Variants in CSMD1 observed in about 807,000 individuals in gnomAD.
CSMD1 encodes the protein CUB and Sushi multiple domains 1.
Under a neutral mutation model 417.5 loss-of-function variants are expected in CSMD1, and 213 were observed. The ratio of observed to expected loss-of-function variants is 0.51; its 90% CI spans 0.46 to 0.57. The LOEUF (loss-of-function observed/expected upper bound fraction) is 0.57. CSMD1 is among the 20% of genes least tolerant of loss of function. CSMD1 has a pLI of 0.00. For missense variants in CSMD1, 6,923 were observed against 4,529.7 expected, an observed-to-expected ratio of 1.53 and a Z score of -15.17; for synonymous variants, 2,862 against 1,736.8, an observed-to-expected ratio of 1.65 and a Z score of -16.11.
At chr8:4,608,498 T>C (rs1469147201) in intron 2 of CSMD1, among the ~76,000 whole-genome samples, 1 of 152,160 alleles carries the variant, frequency 6.6e-6, no homozygotes, top group Admixed American at 6.5e-5. Flanking sequence ...GATGTATTAT[T>C]TGGAGTGTTT....
intron 1 of CSMD1, among the ~76,000 whole-genome samples, chr8:4,895,363 A>T (rs1014023148): frequency 2.5e-4 from 38 of 152,204 alleles, no homozygotes; most frequent in African/African-American, 8.9e-4. Flanking sequence ...GTGTAACAGC[A>T]TGTTTAGCTC....
At chr8:4,944,205 T>C (rs11998370) in intron 1 of CSMD1, among the ~76,000 whole-genome samples, 77,935 of 151,962 alleles carry the variant, frequency 0.51, 21,243 homozygotes, top group East Asian at 0.79. Context: ...ATTCCTAGTG[T>C]ATGTAATAAT....
intron 5 of CSMD1, among the ~76,000 whole-genome samples, chr8:3,880,694 A>T (rs138640343): frequency 6.6e-6 from 1 of 152,322 alleles, no homozygotes; most frequent in East Asian, 1.9e-4. Context: ...CACGTTTCCC[A>T]AATCCTCAGC....
intron 3 of CSMD1, among the ~76,000 whole-genome samples, chr8:4,186,231 G>T (rs1033974511): frequency 2.0e-5 from 3 of 152,130 alleles, no homozygotes. Flanking sequence ...CGGCCAAACT[G>T]TGTTGCCATA....
chr8:4,310,734 A>G (rs1242659669), intron 3 of CSMD1, among the ~76,000 whole-genome samples: 1 of 152,154 alleles, frequency 6.6e-6, no homozygotes, highest in African/African-American at 2.4e-5. Flanking sequence ...TACCATGGAG[A>G]GAGTAGCTCC....
rs923519963 is a variant in CSMD1, at chr8:3,260,728, A to G, written c.4153+23416T>C. On this transcript the variant is annotated intron_variant, in intron 26 of 69. Transcript: ENST00000635120. ...AAAATGAGAACCTCGACCTACCTCA[A>G]GAGTTAGGCAAGGGGCTCTTCGACT... 4.6e-5 allele frequency among the ~76,000 whole-genome samples: 7 copies of G among 152,322 alleles called. No homozygotes were observed. In the East Asian group the frequency reaches 1.3e-3, roughly 29 times the overall value.
At chr8:3,237,060 T>G (rs1235432710) in intron 26 of CSMD1, among the ~76,000 whole-genome samples, 2 of 151,998 alleles carry the variant, frequency 1.3e-5, no homozygotes, top group African/African-American at 4.8e-5. Context: ...CAGCAGTGGG[T>G]CTGACTGTTT....
intron 5 of CSMD1, among the ~76,000 whole-genome samples, chr8:3,757,974 C>A (rs1054383749): frequency 1.3e-5 from 2 of 152,044 alleles, no homozygotes; most frequent in African/African-American, 2.4e-5. Context: ...TGCACAAATT[C>A]CTTTTATTTT....
At chr8:4,673,996 C>T (rs1438002782) in intron 1 of CSMD1, among the ~76,000 whole-genome samples, 1 of 152,224 alleles carries the variant, frequency 6.6e-6, no homozygotes, top group South Asian at 2.1e-4. Flanking sequence ...GAATTGTGCA[C>T]TATACAGAGG....
chr8:3,737,965 A>C (rs1315750672), intron 6 of CSMD1, among the ~76,000 whole-genome samples: 4 of 152,218 alleles, frequency 2.6e-5, no homozygotes, highest in Admixed American at 6.5e-5. Flanking sequence ...AAACAACTAA[A>C]TTACTTGTAA....
chr8:4,787,231 G>GCGCCTCCTTCCC, intron 1 of CSMD1: 1 of 497,414 alleles, frequency 2.0e-6, no homozygotes, highest in Non-Finnish European at 3.7e-6. Context: ...CCTGGGGGCC[G>GCGCCTCCTTCCC]CGCCTCCTTC....
chr8:4,127,135 T>C (rs1034635086), intron 3 of CSMD1, among the ~76,000 whole-genome samples: 1 of 152,122 alleles, frequency 6.6e-6, no homozygotes, highest in African/African-American at 2.4e-5. Flanking sequence ...GCTTCTCTGA[T>C]CCATCTTTGC....
chr8:3,957,311 T>C (rs1489373571), intron 5 of CSMD1, among the ~76,000 whole-genome samples: 1 of 152,204 alleles, frequency 6.6e-6, no homozygotes, highest in African/African-American at 2.4e-5. Context: ...ATTTTTTTAG[T>C]TGTTTCTTTC....
chr8:3,141,610 A>G (rs1818484255), intron 41 of CSMD1, among the ~76,000 whole-genome samples: 1 of 152,014 alleles, frequency 6.6e-6, no homozygotes, highest in Non-Finnish European at 1.5e-5. Context: ...AGTGCTTGAG[A>G]TATGTTGCAG....
At chr8:3,601,308 C>T (rs1801350384) in intron 8 of CSMD1, among the ~76,000 whole-genome samples, 1 of 152,218 alleles carries the variant, frequency 6.6e-6, no homozygotes, top group African/African-American at 2.4e-5. Flanking sequence ...TGTCCTTATT[C>T]TTCCAGCTTC....
intron 2 of CSMD1, among the ~76,000 whole-genome samples, chr8:4,617,737 G>C (rs150999588): frequency 1.3e-5 from 2 of 152,124 alleles, no homozygotes; most frequent in African/African-American, 4.8e-5. Flanking sequence ...CCAACACCTT[G>C]TTTAATTTCC....
chr8:4,390,762 C>G (rs1039012847), intron 3 of CSMD1, among the ~76,000 whole-genome samples: 1 of 151,752 alleles, frequency 6.6e-6, no homozygotes, highest in African/African-American at 2.4e-5. Context: ...AGGATGGTCT[C>G]AATCTTCTGA....
chr8:3,621,685 C>G (rs1247895192), intron 7 of CSMD1, among the ~76,000 whole-genome samples: 1 of 151,986 alleles, frequency 6.6e-6, no homozygotes, highest in East Asian at 1.9e-4. Context: ...CTTCGTCTTC[C>G]ATGCTCCAGC....
chr8:4,469,277 T>C (rs554990474), intron 2 of CSMD1, among the ~76,000 whole-genome samples: 36 of 152,322 alleles, frequency 2.4e-4, no homozygotes, highest in African/African-American at 8.7e-4. Flanking sequence ...AAAGACACTA[T>C]GATTGTCATA....
Sources: allele counts gnomAD v4.1 joint callset (sites outside exome capture counted in the v4.1 genomes callset), GRCh38; gene constraint gnomAD v4.1.1; transcripts MANE v1.5; gene names NCBI Gene and HGNC (gene_info 2026-07-23, HGNC 2026-07-21).